DAB1: variants seen among roughly 807,000 people sequenced by gnomAD.
The protein encoded by DAB1 is disabled homolog 1.
A neutral mutation model predicts 64.6 loss-of-function variants in DAB1; 15 were observed. The ratio of observed to expected loss-of-function variants is 0.23; its 90% CI spans 0.16 to 0.36. The LOEUF (loss-of-function observed/expected upper bound fraction) is 0.36. DAB1 is among the 10% of genes least tolerant of loss of function. DAB1 has a pLI of 1.00. For missense variants in DAB1, 596 were observed against 706.7 expected (o/e 0.84, Z 1.78); for synonymous variants, 235 against 251.9 (o/e 0.93, Z 0.64).
intron 7 of DAB1, among the ~76,000 whole-genome samples, chr1:57,430,540 T>C (rs1387126660): frequency 6.6e-6 from 1 of 152,106 alleles, no homozygotes; most frequent in Non-Finnish European, 1.5e-5. Context: ...CATGCCTGGC[T>C]AATTTTTTTT....
intron 3 of DAB1, among the ~76,000 whole-genome samples, chr1:58,456,650 G>A (rs1419274133): frequency 6.6e-6 from 1 of 152,158 alleles, no homozygotes; most frequent in East Asian, 1.9e-4. Flanking sequence ...AGCAAGGTTT[G>A]CAGAAAGATG....
chr1:58,403,658 C>A (rs1569732919), intron 3 of DAB1, among the ~76,000 whole-genome samples: 1 of 152,206 alleles, frequency 6.6e-6, no homozygotes, highest in Non-Finnish European at 1.5e-5. Flanking sequence ...CAAGGAAGGG[C>A]AGGTATCCCA....
chr1:57,831,165 G>A (rs931577132), intron 1 of DAB1, among the ~76,000 whole-genome samples: 10 of 152,060 alleles, frequency 6.6e-5, no homozygotes, highest in Non-Finnish European at 2.9e-5. Flanking sequence ...CGCCCACCTC[G>A]GCCTCCCAAA....
chr1:57,119,901 G>A (rs1427857102), intron 4 of DAB1, among the ~76,000 whole-genome samples: 2 of 152,052 alleles, frequency 1.3e-5, no homozygotes, highest in African/African-American at 2.4e-5. Context: ...CAAGAGATTG[G>A]AAAAAACAAA....
upstream of DAB1, among the ~76,000 whole-genome samples, chr1:57,426,988 C>T (rs1444928029): frequency 6.6e-6 from 1 of 151,680 alleles, no homozygotes; most frequent in Admixed American, 6.6e-5. Flanking sequence ...CTCAGCCTCT[C>T]AAGTAGCTGG....
intron 6 of DAB1, among the ~76,000 whole-genome samples, chr1:57,661,013 C>T (rs1051678560): frequency 2.0e-5 from 3 of 152,016 alleles, no homozygotes; most frequent in Non-Finnish European, 2.9e-5. Context: ...AAGATACAAA[C>T]GAATAATTCA....
At chr1:58,534,433 T>C in intron 1 of DAB1, 2 of 591,968 alleles carry the variant, frequency 3.4e-6, no homozygotes, top group Non-Finnish European at 5.8e-6. Context: ...ACATTTTAAG[T>C]TTTAATTATA....
chr1:57,441,264 C>CTTTTCT (rs57704123), intron 7 of DAB1, among the ~76,000 whole-genome samples: 16 of 49,568 alleles, frequency 3.2e-4, no homozygotes, highest in African/African-American at 4.2e-4. Context: ...CTTTTCTTTT[C>CTTTTCT]TTTCTTTCTC....
chr1:57,920,760 C>G (rs1486163628), intron 5 of DAB1, among the ~76,000 whole-genome samples: 2 of 152,194 alleles, frequency 1.3e-5, no homozygotes, highest in African/African-American at 4.8e-5. Context: ...TTATAAAGTA[C>G]TGCATATGTA....
rs529060740 is a variant in DAB1 at position 57,777,884 on chromosome 1, T to A, written n.551+106115A>T. Among the ~76,000 whole-genome samples, 4 of 152,256 alleles carry A rather than the reference T, an allele frequency of 2.6e-5. 1 individual carries two copies. The South Asian group carries it at 8.3e-4, about 32-fold the overall frequency. ...TATTTAGTTACTGAATTCTAGATTA[T>A]GTTGTCTTCCTTTATACAGTGTTGA... On this transcript the variant is annotated intron_variant and non_coding_transcript_variant, in intron 6 of 20. Transcript: ENST00000485760.
At chr1:58,438,646 C>T (rs1247477185) in intron 3 of DAB1, among the ~76,000 whole-genome samples, 1 of 152,196 alleles carries the variant, frequency 6.6e-6, no homozygotes, top group Non-Finnish European at 1.5e-5. Flanking sequence ...GCCCTGGAGA[C>T]ACCACACGTG....
At chr1:57,669,371 T>G (rs2101681520) in intron 6 of DAB1, among the ~76,000 whole-genome samples, 1 of 152,270 alleles carries the variant, frequency 6.6e-6, no homozygotes, top group East Asian at 1.9e-4. Context: ...ATGTATACAT[T>G]CAGGCTGTCA....
chr1:57,351,991 T>C (rs1020482469), intron 1 of DAB1, among the ~76,000 whole-genome samples: 1 of 152,050 alleles, frequency 6.6e-6, no homozygotes, highest in African/African-American at 2.4e-5. Context: ...CAAAACTAAA[T>C]GCAAAACATG....
At chr1:58,320,778 G>A (rs1662663689) in intron 4 of DAB1, among the ~76,000 whole-genome samples, 1 of 152,078 alleles carries the variant, frequency 6.6e-6, no homozygotes, top group South Asian at 2.1e-4. Flanking sequence ...TGTTTTCTTT[G>A]CTTGTTGCTG....
chr1:57,204,606 A>G (rs954495424), intron 2 of DAB1, among the ~76,000 whole-genome samples: 5 of 152,222 alleles, frequency 3.3e-5, no homozygotes, highest in Non-Finnish European at 7.3e-5. Flanking sequence ...CATGTATTCA[A>G]TAGCATGAAC....
chr1:58,365,859 C>T (rs952129342), intron 3 of DAB1, among the ~76,000 whole-genome samples: 14 of 152,276 alleles, frequency 9.2e-5, no homozygotes, highest in South Asian at 4.1e-4. Context: ...TTGCCTCACC[C>T]TAGTCCTGAC....
chr1:57,679,691 T>A (rs1570731342), intron 6 of DAB1, among the ~76,000 whole-genome samples: 1 of 152,180 alleles, frequency 6.6e-6, no homozygotes, highest in Non-Finnish European at 1.5e-5. Flanking sequence ...TTCCAGGCCA[T>A]CATATATATA....
chr1:58,300,374 C>T (rs568609307), intron 4 of DAB1, among the ~76,000 whole-genome samples: 2 of 151,540 alleles, frequency 1.3e-5, no homozygotes, highest in Non-Finnish European at 2.9e-5. Flanking sequence ...GGTGAAACCC[C>T]GTCTCTACTG....
intron 2 of DAB1, among the ~76,000 whole-genome samples, chr1:57,234,731 C>T (rs1350259571): frequency 6.6e-6 from 1 of 152,138 alleles, no homozygotes; most frequent in Non-Finnish European, 1.5e-5. Context: ...CTAGCTCTTA[C>T]CTGGAGGCTC....
Sources: allele counts gnomAD v4.1 joint callset (sites outside exome capture counted in the v4.1 genomes callset), GRCh38; gene constraint gnomAD v4.1.1; transcripts MANE v1.5; gene names NCBI Gene and HGNC (gene_info 2026-07-23, HGNC 2026-07-21).